FAT3: variants seen among roughly 807,000 people sequenced by gnomAD.
FAT3 encodes protocadherin Fat 3.
FAT3 carries 95 observed loss-of-function variants against 310.2 expected under a neutral mutation model. The ratio of observed to expected loss-of-function variants is 0.31; its 90% CI spans 0.26 to 0.36. The LOEUF is 0.36. Ranked by LOEUF, FAT3 falls within the 10% of genes least tolerant of loss-of-function variation. The probability of loss-of-function intolerance (pLI) is 1.00; values close to 1 mark genes in which losing one functional copy is unlikely to be tolerated. For missense variants in FAT3, 5,408 were observed against 5,715.6 expected (o/e 0.95, Z 1.74); for synonymous variants, 2,314 against 2,192.9 (o/e 1.06, Z -1.54).
intron 7 of FAT3, among the ~76,000 whole-genome samples, chr11:92,776,406 A>G (rs1313992515): frequency 6.6e-6 from 1 of 152,228 alleles, no homozygotes; most frequent in African/African-American, 2.4e-5. Flanking sequence ...CAGATGAGAA[A>G]TCATTTAACA....
chr11:92,330,993 TGTGTGTGTGTGA>T (rs1328849487), intron 1 of FAT3, among the ~76,000 whole-genome samples: 3 of 125,362 alleles, frequency 2.4e-5, no homozygotes, highest in African/African-American at 1.3e-4. Context: ...TGTGTGTGTG[TGTGTGTGTGTGA>T]GAGAGAGAGA....
chr11:92,429,075 G>A (rs1004604341), intron 2 of FAT3, among the ~76,000 whole-genome samples: 19 of 152,182 alleles, frequency 1.2e-4, no homozygotes, highest in East Asian at 3.9e-4. Context: ...TATTGGATGC[G>A]TATATATTTA....
chr11:92,315,666 G>C (rs1469005023), intron 1 of FAT3, among the ~76,000 whole-genome samples: 1 of 151,174 alleles, frequency 6.6e-6, no homozygotes, highest in Admixed American at 6.6e-5. Context: ...GGGGACTACA[G>C]ACATGCATCA....
At chr11:92,478,940 CTTTCTTTCTTTCT>C (rs760595173) in intron 2 of FAT3, among the ~76,000 whole-genome samples, 4,008 of 81,282 alleles carry the variant, frequency 0.049, 172 homozygotes, top group African/African-American at 0.14. Flanking sequence ...CCTTCTCTTT[CTTTCTTTCTTTCT>C]TTTCTTTTCT....
chr11:92,335,866 C>G (rs1948057602), intron 1 of FAT3, among the ~76,000 whole-genome samples: 1 of 151,940 alleles, frequency 6.6e-6, no homozygotes, highest in Admixed American at 6.6e-5. Flanking sequence ...AAAATCAATC[C>G]CAAAATCAAA....
intron 2 of FAT3, among the ~76,000 whole-genome samples, chr11:92,503,041 A>C (rs1479340762): frequency 6.6e-6 from 1 of 152,222 alleles, no homozygotes; most frequent in East Asian, 1.9e-4. Context: ...TGTTGGCTTT[A>C]GTCTGAGAAG....
chr11:92,391,810 A>G (rs1949756480), intron 2 of FAT3, among the ~76,000 whole-genome samples: 2 of 152,056 alleles, frequency 1.3e-5, no homozygotes, highest in Non-Finnish European at 2.9e-5. Flanking sequence ...GTGTTTCCTC[A>G]TAGTTGTACG....
At chr11:92,633,689 G>C (rs1201690636) in intron 3 of FAT3, among the ~76,000 whole-genome samples, 1 of 152,142 alleles carries the variant, frequency 6.6e-6, no homozygotes, top group African/African-American at 2.4e-5. Flanking sequence ...CCACTTATGG[G>C]TCAATTGGAG....
At chr11:92,524,983 G>A (rs1953810622) in intron 3 of FAT3, 35 bp downstream of exon 3, 2 of 1,544,768 alleles carry the variant, frequency 1.3e-6, no homozygotes, top group African/African-American at 1.4e-5. Context: ...TTTTTAGTTT[G>A]TAGTCCAGCC....
intron 2 of FAT3, among the ~76,000 whole-genome samples, chr11:92,445,009 G>A (rs1951176737): frequency 6.6e-6 from 1 of 152,076 alleles, no homozygotes; most frequent in Non-Finnish European, 1.5e-5. Flanking sequence ...ATTAAATGAG[G>A]CCATTAGGGG....
intron 13 of FAT3, among the ~76,000 whole-genome samples, chr11:92,812,205 A>G (rs553060601): frequency 1.3e-5 from 2 of 152,210 alleles, no homozygotes; most frequent in African/African-American, 2.4e-5. Context: ...TGAGCTGTGC[A>G]CTAAGATTAC....
In FAT3 at chr11:92,801,526, C is replaced by T; in HGVS notation, c.8513C>T (p.Ala2838Val). The T allele has an allele frequency of 6.2e-7, 1 of 1,609,758 alleles. No homozygotes were observed. Among genetic ancestry groups the T allele is most frequent in the Non-Finnish European group, 8.5e-7 (1 of 1,177,890 alleles). ...GGCACCAAACTCACACAAGTGAGAG[C>T]TATTGATATGGACTGGGGAGCCAAT... ...PVGTKLTQVR[A>V]IDMDWGANGQ... Residue 2838 changes from alanine (A) to valine (V), a missense_variant, in exon 10 of 28, where the codon GCT becomes GTT. Transcript: ENST00000525166.
intron 3 of FAT3, among the ~76,000 whole-genome samples, chr11:92,573,968 T>C (rs521301): frequency 0.75 from 114,773 of 152,092 alleles, 45,218 homozygotes; most frequent in Non-Finnish European, 0.88. Context: ...AATGAAGGTT[T>C]GCCATTCAGC....
At chr11:92,870,734 T>C (rs562361814) in intron 22 of FAT3, among the ~76,000 whole-genome samples, 2 of 152,168 alleles carry the variant, frequency 1.3e-5, no homozygotes, top group Admixed American at 1.3e-4. Flanking sequence ...TCAGGCAGCA[T>C]GGCATGAAAC....
chr11:92,599,687 C>T (rs1012479897), intron 3 of FAT3, among the ~76,000 whole-genome samples: 3 of 152,162 alleles, frequency 2.0e-5, no homozygotes, highest in African/African-American at 7.2e-5. Flanking sequence ...AGACTGGTTT[C>T]CTAAGAAAAT....
chr11:92,584,689 G>A (rs1939040012), intron 3 of FAT3, among the ~76,000 whole-genome samples: 1 of 151,986 alleles, frequency 6.6e-6, no homozygotes. Context: ...GAAAAGGAGT[G>A]GGGAATGCAT....
intron 2 of FAT3, among the ~76,000 whole-genome samples, chr11:92,449,168 C>T (rs917333953): frequency 1.3e-5 from 2 of 152,196 alleles, no homozygotes; most frequent in Non-Finnish European, 2.9e-5. Flanking sequence ...AGCATCACTC[C>T]TCTCAGCCTG....
intron 3 of FAT3, among the ~76,000 whole-genome samples, chr11:92,641,107 G>A (rs895775834): frequency 3.3e-5 from 5 of 151,962 alleles, no homozygotes; most frequent in African/African-American, 4.8e-5. Context: ...GAGGTGGGAG[G>A]ATCCCTTAAG....
Position 92,790,180 on chromosome 11 carries a change from G to T in FAT3, c.4573G>T (p.Asp1525Tyr). The change falls in exon 8 of 28, where the codon GAC becomes TAC. Residue 1525 changes from aspartate to tyrosine, a missense_variant. Transcript: ENST00000525166. Reference sequence around the variant, plus strand: ...CGTGCTCTATACTGCCGAGAGGCTGGACCATGAGGCCCAGGACAAGCACAT... The same window carrying T: ...CGTGCTCTATACTGCCGAGAGGCTGTACCATGAGGCCCAGGACAAGCACAT... ...TGVLYTAERL[D>Y]HEAQDKHILN... 1.2e-6 allele frequency: 2 copies of T among 1,613,686 alleles called. No homozygotes were observed. Among genetic ancestry groups the T allele is most frequent in the South Asian group, 1.1e-5 (1 of 91,066 alleles).
Sources: gnomAD v4.1 joint callset for allele counts (sites outside exome capture counted in the v4.1 genomes callset) on GRCh38, gnomAD v4.1.1 for gene constraint, MANE v1.5 for transcripts, NCBI Gene and HGNC (gene_info 2026-07-23, HGNC 2026-07-21) for gene names.